The following BMP2K variants were observed in gnomAD, a reference collection of about 807,000 sequenced individuals.
The protein encoded by BMP2K is BMP2 inducible kinase.
Under a neutral mutation model 116.0 loss-of-function variants are expected in BMP2K, and 74 were observed. That is an observed-to-expected ratio of 0.64 (90% confidence interval 0.53 to 0.77). The LOEUF is 0.77. BMP2K is among the 30% of genes least tolerant of loss of function. The probability of loss-of-function intolerance (pLI) is 0.00; values close to 1 mark genes in which losing one functional copy is unlikely to be tolerated. For synonymous variants in BMP2K, 486 were observed against 502.5 expected (o/e 0.97, Z 0.44); for missense variants, 1,365 against 1,403.6 (o/e 0.97, Z 0.44).
intron 15 of BMP2K, among the ~76,000 whole-genome samples, chr4:78,909,601 C>T (rs773410935): frequency 4.6e-5 from 7 of 152,114 alleles, no homozygotes; most frequent in Admixed American, 6.6e-5. Context: ...TTTATATATG[C>T]CATTGCTTTT....
At chr4:78,893,309 T>G (rs1733538544) in intron 15 of BMP2K, among the ~76,000 whole-genome samples, 1 of 152,230 alleles carries the variant, frequency 6.6e-6, no homozygotes, top group Admixed American at 6.5e-5. Flanking sequence ...CTATTTCTAG[T>G]TCTCTTGCTC....
chr4:78,810,889 C>T (rs759255336), intron 1 of BMP2K, among the ~76,000 whole-genome samples: 2 of 152,114 alleles, frequency 1.3e-5, no homozygotes, highest in South Asian at 2.1e-4. Context: ...CAATTTTTGC[C>T]AGTATCCTCA....
rs1278205589 is a variant in BMP2K at position 78,847,212 on chromosome 4, C to G, written c.693C>G (p.Ala231=). The change falls in exon 6 of 16, where the codon GCC becomes GCG. Residue 231 remains alanine, a synonymous_variant. Coordinates refer to ENST00000502613, the MANE Select transcript of BMP2K (RefSeq NM_198892.2). ...IKKYTTLSYR[A]PEMINLYGGK... is the part of the protein sequence containing the mutation. ...GGTATACAACTCTGTCATACAGAGC[C>G]CCTGAAATGATCAACCTTTATGGAG... 1 of 1,584,898 alleles carries G rather than the reference C, an allele frequency of 6.3e-7. No individual in the cohort carries two copies. Among genetic ancestry groups the G allele is most frequent in the South Asian group, 1.1e-5 (1 of 87,364 alleles).
In BMP2K at chr4:78,911,240, T is replaced by C; in HGVS notation, c.2693T>C (p.Phe898Ser). 6.2e-7 allele frequency: 1 copy of C among 1,613,956 alleles called. No individual in the cohort carries two copies. Among genetic ancestry groups the C allele is most frequent in the Non-Finnish European group, 8.5e-7 (1 of 1,179,880 alleles). ...CTGGAGCAGGAGGAATTTGATGTAT[T>C]CACAAAGGCGCCTTTTAGCAAGAAG... ...AGLEQEEFDV[F>S]TKAPFSKKVN... Residue 898 changes from phenylalanine to serine, a missense_variant, in exon 16 of 16, where the codon TTC (phenylalanine) becomes TCC (serine). This residue lies in a region of BMP2K where 596 missense variants were observed against 623.2 expected (regional missense o/e 0.96). Transcript: ENST00000502613.
intron 15 of BMP2K, among the ~76,000 whole-genome samples, chr4:78,902,715 C>T (rs1001968311): frequency 6.6e-6 from 1 of 152,094 alleles, no homozygotes; most frequent in African/African-American, 2.4e-5. Context: ...AATGTACCAC[C>T]TGTTTTATAA....
At chr4:78,867,900 A>T (rs1274232299) in intron 10 of BMP2K, among the ~76,000 whole-genome samples, 1 of 152,124 alleles carries the variant, frequency 6.6e-6, no homozygotes, top group African/African-American at 2.4e-5. Flanking sequence ...TCTCTACTAA[A>T]AGTACAAAAA....
At chr4:78,807,189 A>G (rs1267426334) in intron 1 of BMP2K, among the ~76,000 whole-genome samples, 3 of 152,076 alleles carry the variant, frequency 2.0e-5, no homozygotes, top group Non-Finnish European at 2.9e-5. Flanking sequence ...CCCTGCATTT[A>G]TTGAGATGAT....
rs1167395860 is a variant in BMP2K at position 78,910,805 on chromosome 4, G to A, written c.2258G>A (p.Ser753Asn). The change falls in exon 16 of 16, where the codon AGC becomes AAC. Residue 753 changes from serine (S) to asparagine (N), a missense_variant. Ser to Asn is a conservative substitution (Grantham distance 46). Coordinates refer to ENST00000502613, the MANE Select transcript of BMP2K (RefSeq NM_198892.2). ...GAATCAGATCCCCCTTCTCCTAAGA[G>A]CAGTGAAGAGGAAGAGCAAGATGAT... ...DFESDPPSPK[S>N]SEEEEQDDEE... The A allele has an allele frequency of 8.1e-6, 13 of 1,613,812 alleles. No homozygotes were observed. The highest frequency in any genetic ancestry group is 1.3e-5 in the African/African-American group (1 of 74,928).
chr4:78,907,882 G>T (rs2110104903), intron 15 of BMP2K, among the ~76,000 whole-genome samples: 1 of 152,242 alleles, frequency 6.6e-6, no homozygotes, highest in African/African-American at 2.4e-5. Flanking sequence ...CTGTGGGTGG[G>T]TATGCAGCTC....
rs1259902720 is a variant in BMP2K, at chr4:78,842,423, A to G, written c.442A>G (p.Thr148Ala). The G allele has an allele frequency of 6.2e-7, 1 of 1,606,964 alleles. No individual in the cohort carries two copies. The highest frequency in any genetic ancestry group is 1.7e-4 in the Middle Eastern group (1 of 6,040). Residue 148 changes from threonine (T) to alanine (A), a missense_variant, in exon 4 of 16, where the codon ACG (threonine) becomes GCG (alanine). Transcript: ENST00000502613. ...VVNQMNKKLQ[T>A]GFTEPEVLQI... ...GAATCAAATGAATAAGAAGCTACAG[A>G]CGGGTTTTACAGAACCAGAAGTGTT...
chr4:78,833,772 T>C (rs1577910077), intron 3 of BMP2K, 85 bp downstream of exon 3: 1 of 820,336 alleles, frequency 1.2e-6, no homozygotes, highest in South Asian at 1.6e-5. Flanking sequence ...CCAGGGTAGC[T>C]GCTAACTAAT....
chr4:78,855,693 A>G (rs1276241670), intron 7 of BMP2K, among the ~76,000 whole-genome samples: 1 of 152,192 alleles, frequency 6.6e-6, no homozygotes, highest in Non-Finnish European at 1.5e-5. Context: ...TGTGTACATC[A>G]ATAAGAAATA....
At position 78,911,115 on chromosome 4, in the gene BMP2K, T is replaced by G; in HGVS notation, c.2568T>G (p.Asp856Glu). The change falls in exon 16 of 16, where the codon GAT becomes GAG. Residue 856 changes from aspartate to glutamate, a missense_variant. Physicochemically the swap from Asp to Glu is conservative, Grantham distance 45. Transcript: ENST00000502613. ...TGGAGACTCCCAAACAGGAGTTTGA[T>G]GTATTTGGCGCTGTCCCCTTCTTTG... The part of the protein sequence containing the change: ...VAVETPKQEF[D>E]VFGAVPFFAV... The G allele has an allele frequency of 6.2e-7, 1 of 1,613,986 alleles. No individual in the cohort carries two copies. The highest frequency in any genetic ancestry group is 8.5e-7 in the Non-Finnish European group (1 of 1,179,890).
In BMP2K at chr4:78,776,404, G is replaced by C. The variant is rs1261041462; in HGVS notation, c.-140G>C. Reference sequence around the variant, plus strand: ...GGGGCCCAGGCTGTGCGCTTGGGGAGCGCGGAATGTGAGGCTTGGCGGGCC... The same window carrying C: ...GGGGCCCAGGCTGTGCGCTTGGGGACCGCGGAATGTGAGGCTTGGCGGGCC... On this transcript the variant is annotated 5_prime_UTR_variant, in exon 1 of 16. Coordinates refer to ENST00000502613, the MANE Select transcript of BMP2K (RefSeq NM_198892.2). 1.2e-6 allele frequency: 1 copy of C among 858,246 alleles called. No homozygotes were observed. Among genetic ancestry groups the C allele is most frequent in the Non-Finnish European group, 1.4e-6 (1 of 691,234 alleles). The allele number at this position is 858,246 out of a possible 1,614,324, so 53.2% of individuals were successfully genotyped here.
intron 1 of BMP2K, among the ~76,000 whole-genome samples, chr4:78,810,913 T>C (rs1340502229): frequency 6.6e-6 from 1 of 152,204 alleles, no homozygotes; most frequent in Non-Finnish European, 1.5e-5. Flanking sequence ...CTTTTTTTAA[T>C]AAAGGAGCAA....
chr4:78,815,852 A>G (rs183504579), intron 1 of BMP2K, among the ~76,000 whole-genome samples: 4 of 152,300 alleles, frequency 2.6e-5, no homozygotes, highest in Non-Finnish European at 5.9e-5. Context: ...CTCATTAAGC[A>G]TTAGTGGGTA....
chr4:78,832,438 T>C lies in BMP2K; in HGVS notation c.298-1144T>C, dbSNP rs79077544. On this transcript the variant is annotated intron_variant, in intron 2 of 15. Coordinates refer to ENST00000502613, the MANE Select transcript of BMP2K (RefSeq NM_198892.2). ...TCCCTTTTGTTAGCAAATAACTGCATTTGCACAATCTGACTTTTTAAAATT... is the reference window on the plus strand; with the variant it reads ...TCCCTTTTGTTAGCAAATAACTGCACTTGCACAATCTGACTTTTTAAAATT... Among the ~76,000 whole-genome samples, 852 of 152,290 alleles carry C rather than the reference T, an allele frequency of 5.6e-3. 11 individuals are homozygous for C. Among genetic ancestry groups the C allele is most frequent in the African/African-American group, 0.019 (807 of 41,578 alleles).
intron 15 of BMP2K, among the ~76,000 whole-genome samples, chr4:78,900,640 T>C (rs1733950464): frequency 6.6e-6 from 1 of 152,250 alleles, no homozygotes. Flanking sequence ...ATGATCTTTC[T>C]GATTTATTTG....
At chr4:78,840,367 AG>A (rs1439050396) in intron 3 of BMP2K, among the ~76,000 whole-genome samples, 1 of 152,126 alleles carries the variant, frequency 6.6e-6, no homozygotes, top group Non-Finnish European at 1.5e-5. Context: ...GGACCCAAAG[AG>A]GGTAGCCATT....
Sources: gnomAD v4.1 joint callset for allele counts (sites outside exome capture counted in the v4.1 genomes callset) on GRCh38, gnomAD v4.1.1 for gene constraint, gnomAD v4.1.1 regional missense constraint, MANE v1.5 for transcripts, NCBI Gene and HGNC (gene_info 2026-07-23, HGNC 2026-07-21) for gene names.